The following CDYL2 variants were observed in gnomAD, a reference collection of about 807,000 sequenced individuals.
CDYL2 encodes the protein chromodomain Y like 2, also known as chromodomain Y-like protein 2.
Under a neutral mutation model 49.4 loss-of-function variants are expected in CDYL2, and 23 were observed. The observed-to-expected ratio is 0.47, with a 90% confidence interval of 0.34 to 0.66. CDYL2 has a LOEUF of 0.66. CDYL2 is among the 30% of genes least tolerant of loss of function. The pLI is 0.01. For synonymous variants in CDYL2, 360 were observed against 268.8 expected (o/e 1.34, Z -3.32); for missense variants, 678 against 656.4 (o/e 1.03, Z -0.36).
chr16:80,609,942 C>A (rs913762945), intron 5 of CDYL2, among the ~76,000 whole-genome samples: 3 of 152,136 alleles, frequency 2.0e-5, no homozygotes, highest in African/African-American at 2.4e-5. Context: ...AGTCACTTAA[C>A]GTCACAAAGC....
intron 1 of CDYL2, among the ~76,000 whole-genome samples, chr16:80,708,460 G>C (rs899955320): frequency 6.6e-6 from 1 of 152,184 alleles, no homozygotes; most frequent in Non-Finnish European, 1.5e-5. Context: ...GTGGAAACGT[G>C]AGGCCATTAA....
chr16:80,756,582 A>G (rs1906317554), intron 1 of CDYL2, among the ~76,000 whole-genome samples: 1 of 152,150 alleles, frequency 6.6e-6, no homozygotes, highest in South Asian at 2.1e-4. Context: ...AAGGCTGTTA[A>G]GAATGATCTC....
intron 2 of CDYL2, among the ~76,000 whole-genome samples, chr16:80,651,497 C>A: frequency 6.6e-6 from 1 of 152,140 alleles, no homozygotes; most frequent in East Asian, 1.9e-4. Context: ...GTTAAAACTA[C>A]TCTGCATGAT....
At chr16:80,791,298 G>C (rs1481624614) in intron 1 of CDYL2, among the ~76,000 whole-genome samples, 4 of 152,178 alleles carry the variant, frequency 2.6e-5, no homozygotes, top group Non-Finnish European at 5.9e-5. Flanking sequence ...AGACTATAGA[G>C]ATATCTGAGA....
intron 3 of CDYL2, chr16:80,628,512 G>C (rs373741231): frequency 1.3e-5 from 2 of 152,302 alleles, no homozygotes; most frequent in African/African-American, 4.8e-5. Flanking sequence ...TTGAGCCTTC[G>C]TGTGAGACTG....
Position 80,804,209 on chromosome 16 carries a change from T to C in CDYL2, c.-36A>G. ...GGAACTTGGCTCGCCGGTGTGCGCG[T>C]CTGCTCGCTCGCGCCCTCCGTGCGT... On this transcript the variant is annotated 5_prime_UTR_variant, in exon 1 of 7. Coordinates refer to ENST00000570137, the MANE Select transcript of CDYL2 (RefSeq NM_152342.4). 7.5e-7 allele frequency: 1 copy of C among 1,331,702 alleles called. No individual in the cohort carries two copies. Among genetic ancestry groups the C allele is most frequent in the Non-Finnish European group, 9.9e-7 (1 of 1,013,590 alleles). The allele number at this position is 1,331,702 out of a possible 1,614,324, so 82.5% of individuals were successfully genotyped here.
chr16:80,713,052 C>T (rs921950324), intron 1 of CDYL2, among the ~76,000 whole-genome samples: 1 of 152,170 alleles, frequency 6.6e-6, no homozygotes, highest in African/African-American at 2.4e-5. Flanking sequence ...AAGAGGTGTT[C>T]CAAGGTCCTC....
At chr16:80,638,110 T>C (rs762770164) in intron 2 of CDYL2, among the ~76,000 whole-genome samples, 13 of 152,152 alleles carry the variant, frequency 8.5e-5, no homozygotes, top group Non-Finnish European at 1.9e-4. Flanking sequence ...GGTCTTGCTG[T>C]GTCACCCAGG....
intron 1 of CDYL2, among the ~76,000 whole-genome samples, chr16:80,739,860 A>G (rs1905674703): frequency 1.3e-5 from 2 of 152,204 alleles, no homozygotes; most frequent in South Asian, 4.1e-4. Context: ...GGCCAATTAC[A>G]GCCCAATTAC....
chr16:80,777,940 G>A (rs570933007), intron 1 of CDYL2, among the ~76,000 whole-genome samples: 65 of 151,074 alleles, frequency 4.3e-4, no homozygotes, highest in Non-Finnish European at 5.5e-4. Context: ...GCTGCTGGCT[G>A]AAACTTAGCA....
intron 2 of CDYL2, among the ~76,000 whole-genome samples, chr16:80,668,741 A>G (rs1274983630): frequency 6.6e-6 from 1 of 151,996 alleles, no homozygotes; most frequent in East Asian, 1.9e-4. Context: ...TCTACTAAAA[A>G]TACAAAAATT....
chr16:80,714,418 A>G (rs1597094236), intron 1 of CDYL2, among the ~76,000 whole-genome samples: 1 of 152,238 alleles, frequency 6.6e-6, no homozygotes, highest in African/African-American at 2.4e-5. Flanking sequence ...TTGTATACAC[A>G]TATAGAAATA....
At chr16:80,726,416 A>T (rs1905164351) in intron 1 of CDYL2, among the ~76,000 whole-genome samples, 1 of 152,254 alleles carries the variant, frequency 6.6e-6, no homozygotes, top group Non-Finnish European at 1.5e-5. Context: ...ATAACATTGA[A>T]TTCTGAAAAA....
intron 1 of CDYL2, among the ~76,000 whole-genome samples, chr16:80,772,754 A>C (rs1906949531): frequency 6.6e-6 from 1 of 152,112 alleles, no homozygotes; most frequent in Non-Finnish European, 1.5e-5. Flanking sequence ...CCTGGCCCAA[A>C]ATGCCAATTA....
At chr16:80,682,060 G>GCTC (rs1404113535) in intron 2 of CDYL2, among the ~76,000 whole-genome samples, 1 of 152,162 alleles carries the variant, frequency 6.6e-6, no homozygotes, top group Non-Finnish European at 1.5e-5. Context: ...CATCTCCTGG[G>GCTC]CTCCACCCTA....
chr16:80,771,161 G>A (rs923995102), intron 1 of CDYL2, among the ~76,000 whole-genome samples: 5 of 152,224 alleles, frequency 3.3e-5, no homozygotes, highest in African/African-American at 1.2e-4. Flanking sequence ...GATAAAAGCA[G>A]ATGAAAATCC....
At chr16:80,618,397 T>C (rs1906927243) in intron 4 of CDYL2, among the ~76,000 whole-genome samples, 1 of 152,120 alleles carries the variant, frequency 6.6e-6, no homozygotes, top group Non-Finnish European at 1.5e-5. Flanking sequence ...CAGACCCCAA[T>C]GGGTAGAGGC....
chr16:80,754,155 C>T (rs1906229809), intron 1 of CDYL2, among the ~76,000 whole-genome samples: 1 of 152,144 alleles, frequency 6.6e-6, no homozygotes, highest in African/African-American at 2.4e-5. Context: ...GCCCAAGAGC[C>T]GCCACTGTGC....
At chr16:80,783,157 A>G (rs1907327803) in intron 1 of CDYL2, among the ~76,000 whole-genome samples, 1 of 152,218 alleles carries the variant, frequency 6.6e-6, no homozygotes, top group Non-Finnish European at 1.5e-5. Flanking sequence ...CTGAAACTCA[A>G]CAATTCAACA....
Sources: allele counts gnomAD v4.1 joint callset (sites outside exome capture counted in the v4.1 genomes callset), GRCh38; gene constraint gnomAD v4.1.1; transcripts MANE v1.5; gene names NCBI Gene and HGNC (gene_info 2026-07-23, HGNC 2026-07-21).